The following GALNT17 variants were observed in gnomAD, a reference collection of about 807,000 sequenced individuals.
GALNT17 encodes the protein UDP-GalNAc:polypeptide N-acetylgalactosaminyltransferase-like 3.
In GALNT17, 29 loss-of-function variants were observed where a neutral mutation model predicts 63.7. The ratio of observed to expected loss-of-function variants is 0.46; its 90% CI spans 0.34 to 0.62. GALNT17 has a LOEUF of 0.62. GALNT17 is among the 20% of genes least tolerant of loss of function. GALNT17 has a pLI of 0.01. For synonymous variants in GALNT17, 305 were observed against 318.3 expected (o/e 0.96, Z 0.45); for missense variants, 603 against 799.6 (o/e 0.75, Z 2.97).
At chr7:71,386,334 C>G (rs1021089046) in intron 2 of GALNT17, among the ~76,000 whole-genome samples, 2 of 152,230 alleles carry the variant, frequency 1.3e-5, no homozygotes, top group African/African-American at 2.4e-5. Context: ...CTCTGCTTCT[C>G]TCTCACTCCA....
chr7:71,393,492 T>C (rs1301949141), intron 3 of GALNT17, among the ~76,000 whole-genome samples: 1 of 152,156 alleles, frequency 6.6e-6, no homozygotes, highest in Non-Finnish European at 1.5e-5. Context: ...TTAAGATCAA[T>C]AGTATAAACA....
chr7:71,463,330 T>C (rs941467099), intron 5 of GALNT17, among the ~76,000 whole-genome samples: 1 of 152,324 alleles, frequency 6.6e-6, no homozygotes, highest in Admixed American at 6.5e-5. Flanking sequence ...CTGAGGGCCC[T>C]AATATCAGAG....
chr7:71,665,235 C>A (rs1790966168), intron 6 of GALNT17, among the ~76,000 whole-genome samples, 176 bp from the exon 7 acceptor site: 2 of 152,148 alleles, frequency 1.3e-5, no homozygotes, highest in Admixed American at 1.3e-4. Context: ...CCTCAGCCTC[C>A]CAAAGTGCTG....
chr7:71,572,373 G>T (rs759211965), intron 6 of GALNT17, among the ~76,000 whole-genome samples: 6 of 150,588 alleles, frequency 4.0e-5, no homozygotes, highest in Non-Finnish European at 8.9e-5. Flanking sequence ...GTGATTGTGT[G>T]AACCTGTAGT....
At chr7:71,348,552 G>T (rs1459459406) in intron 2 of GALNT17, among the ~76,000 whole-genome samples, 1 of 152,142 alleles carries the variant, frequency 6.6e-6, no homozygotes, top group African/African-American at 2.4e-5. Flanking sequence ...TATGCAAATG[G>T]ATCTGCTCTG....
At chr7:71,176,781 G>A (rs931284276) in intron 1 of GALNT17, among the ~76,000 whole-genome samples, 3 of 152,156 alleles carry the variant, frequency 2.0e-5, no homozygotes, top group Non-Finnish European at 4.4e-5. Flanking sequence ...GGATAATGTG[G>A]CCTTCAGTAT....
chr7:71,324,561 G>A (rs1313416952), intron 1 of GALNT17, among the ~76,000 whole-genome samples: 2 of 152,176 alleles, frequency 1.3e-5, no homozygotes, highest in Non-Finnish European at 2.9e-5. Flanking sequence ...GGGAGGTTGA[G>A]GCAGGAGAAT....
At chr7:71,193,764 A>G (rs948162994) in intron 1 of GALNT17, among the ~76,000 whole-genome samples, 7 of 152,142 alleles carry the variant, frequency 4.6e-5, no homozygotes, top group African/African-American at 1.7e-4. Flanking sequence ...TTCTTATTTC[A>G]TTGATTTCCT....
Position 71,223,834 on chromosome 7 carries a change from T to G in GALNT17, c.238+90794T>G, listed in dbSNP as rs145979121. Among the ~76,000 whole-genome samples the G allele has an allele frequency of 3.0e-3, 450 of 152,298 alleles. 2 individuals are homozygous for G. The highest frequency in any genetic ancestry group is 0.024 in the Middle Eastern group (7 of 294). On this transcript the variant is annotated intron_variant, in intron 1 of 10. Coordinates refer to ENST00000333538, the MANE Select transcript of GALNT17 (RefSeq NM_022479.3). ...TGGTATTTGGATTTCTCTTCCTGCA[T>G]TAGTTTACTAAAGGATAATGGCCTT...
chr7:71,203,461 G>T (rs894523528), intron 1 of GALNT17, among the ~76,000 whole-genome samples: 1 of 152,118 alleles, frequency 6.6e-6, no homozygotes, highest in Non-Finnish European at 1.5e-5. Context: ...TATCTATTCA[G>T]ATTCTTTGTC....
chr7:71,249,282 C>T (rs1790154910), intron 1 of GALNT17, among the ~76,000 whole-genome samples: 1 of 152,140 alleles, frequency 6.6e-6, no homozygotes. Context: ...CTTTGTCCTT[C>T]TTTCAAAGCA....
intron 1 of GALNT17, among the ~76,000 whole-genome samples, chr7:71,290,405 G>C (rs1197127795): frequency 6.6e-6 from 1 of 152,162 alleles, no homozygotes; most frequent in African/African-American, 2.4e-5. Flanking sequence ...ATGCCGTCTT[G>C]CAGGTGGCTG....
intron 1 of GALNT17, among the ~76,000 whole-genome samples, chr7:71,145,447 A>G (rs1031374155): frequency 3.3e-5 from 5 of 152,142 alleles, no homozygotes; most frequent in African/African-American, 4.8e-5. Flanking sequence ...ACAGTGAGCT[A>G]TGATTGTGCC....
At chr7:71,432,117 G>T (rs1786877768) in intron 5 of GALNT17, among the ~76,000 whole-genome samples, 1 of 152,060 alleles carries the variant, frequency 6.6e-6, no homozygotes, top group African/African-American at 2.4e-5. Context: ...GGAGGTTGCA[G>T]TGAGCCGAGA....
chr7:71,254,270 T>A (rs1013545888), intron 1 of GALNT17, among the ~76,000 whole-genome samples: 2 of 152,174 alleles, frequency 1.3e-5, no homozygotes, highest in Non-Finnish European at 2.9e-5. Context: ...ATCATGCAGA[T>A]GAAGCCTCCA....
At chr7:71,168,503 C>T (rs941750925) in intron 1 of GALNT17, among the ~76,000 whole-genome samples, 7 of 151,768 alleles carry the variant, frequency 4.6e-5, no homozygotes, top group African/African-American at 7.3e-5. Flanking sequence ...ACCCCGGAGG[C>T]GGATGTTGCA....
Position 71,629,325 on chromosome 7 carries a change from C to A in GALNT17, c.1081-36086C>A, listed in dbSNP as rs183560032. Among the ~76,000 whole-genome samples, 348 of 152,250 alleles carry A rather than the reference C, an allele frequency of 2.3e-3. 9 individuals are homozygous for A. Among genetic ancestry groups the A allele is most frequent in the Admixed American group, 0.017 (254 of 15,280 alleles). On this transcript the variant is annotated intron_variant, in intron 6 of 10. Transcript: ENST00000333538. ...ATTCACACCGTGTTCTGTTAATAAC[C>A]AAGTGGAGCTTCATGCTTTGGGGTC...
chr7:71,216,607 TACAC>T (rs201633487), intron 1 of GALNT17, among the ~76,000 whole-genome samples: 10,806 of 147,272 alleles, frequency 0.073, 502 homozygotes, highest in East Asian at 0.22. Flanking sequence ...TCTACACACA[TACAC>T]ACAGACACAC....
chr7:71,423,932 A>G (rs1453092119), intron 5 of GALNT17, among the ~76,000 whole-genome samples: 1 of 152,080 alleles, frequency 6.6e-6, no homozygotes, highest in Non-Finnish European at 1.5e-5. Context: ...AAATAATAAT[A>G]AAAAAAGAGT....
Sources: gnomAD v4.1 joint callset for allele counts (sites outside exome capture counted in the v4.1 genomes callset) on GRCh38, gnomAD v4.1.1 for gene constraint, MANE v1.5 for transcripts, NCBI Gene and HGNC (gene_info 2026-07-23, HGNC 2026-07-21) for gene names.